SLC30A3: variants seen among roughly 807,000 people sequenced by gnomAD.
SLC30A3 encodes solute carrier family 30 member 3, also known as probable proton-coupled zinc antiporter SLC30A3.
Under a neutral mutation model 35.6 loss-of-function variants are expected in SLC30A3, and 20 were observed. The observed-to-expected ratio is 0.56, with a 90% CI of 0.39 to 0.82. The LOEUF (loss-of-function observed/expected upper bound fraction) is 0.82. SLC30A3 is among the 40% of genes least tolerant of loss of function. The probability of loss-of-function intolerance (pLI) is 0.00; values close to 1 mark genes in which losing one functional copy is unlikely to be tolerated. For missense variants in SLC30A3, 401 were observed against 530.6 expected (o/e 0.76, Z 2.40); for synonymous variants, 217 against 224.7 (o/e 0.97, Z 0.31).
At chr2:27,264,983 C>T (rs1234406652), upstream of SLC30A3, among the ~76,000 whole-genome samples, 1 of 152,196 alleles carries the variant, frequency 6.6e-6, no homozygotes, top group Non-Finnish European at 1.5e-5. This position sits in a 1 kb window ranked among gnomAD's most constrained non-coding sequence, Gnocchi z 6.1. Flanking sequence ...TGCGCAGCGG[C>T]CACCGCGCAC....
intron 7 of SLC30A3, 90 bp downstream of exon 7, chr2:27,256,296 C>T (rs1312106916): frequency 6.8e-7 from 1 of 1,474,980 alleles, no homozygotes; most frequent in Non-Finnish European, 9.4e-7. Context: ...TCAAAAAAGA[C>T]TGAAACAATT....
rs185099450 is a variant in SLC30A3 at position 27,255,638 on chromosome 2, C to T, written c.1019-178G>A. 186 of 654,280 alleles carry T rather than the reference C, an allele frequency of 2.8e-4. 3 individuals are homozygous for T. In the Admixed American group the frequency reaches 5.2e-3, roughly 18 times the overall value. The allele number at this position is 654,280 out of a possible 1,614,324, so 40.5% of individuals were successfully genotyped here. A position where few individuals can be genotyped will look rare whatever the true frequency, so the allele number is the denominator to read the frequency against. ...TGTCAAATCAAATGTTGGAGAGACT[C>T]ACCCCAATCAACCATGCTAACACAC... On this transcript the variant is annotated intron_variant, in intron 7 of 7. Coordinates refer to ENST00000233535, the MANE Select transcript of SLC30A3 (RefSeq NM_003459.5). The surrounding 1 kb of genome is among the most constrained non-coding windows in gnomAD (Gnocchi z 5.2).
chr2:27,264,002 C>G (rs1677364591), upstream of SLC30A3: 1 of 1,283,054 alleles, frequency 7.8e-7, no homozygotes, highest in Admixed American at 2.3e-5. The surrounding 1 kb of genome is among the most constrained non-coding windows in gnomAD (Gnocchi z 6.1). Flanking sequence ...GGGGAGGGAG[C>G]GACTTACAGC....
chr2:27,274,080 T>C (rs550369799), intron 1 of SLC30A3, among the ~76,000 whole-genome samples: 2 of 152,306 alleles, frequency 1.3e-5, no homozygotes, highest in South Asian at 2.1e-4. Context: ...CCCAGCACTT[T>C]TGGAGGCTGA....
In SLC30A3 at chr2:27,258,402, A is replaced by C. The variant is rs1417309384; in HGVS notation, c.278-95T>G. 7.7e-7 allele frequency: 1 copy of C among 1,303,346 alleles called. No individual in the cohort carries two copies. Among genetic ancestry groups the C allele is most frequent in the Non-Finnish European group, 1.0e-6 (1 of 973,832 alleles). The allele number at this position is 1,303,346 out of a possible 1,614,324, so 80.7% of individuals were successfully genotyped here. The stretch of plus-strand genomic sequence containing the variant: ...ATAAATTGGGGGATATACACCAAAA[A>C]TGTGATTTGGGGTTTTCTCAGGTGA... On this transcript the variant is annotated intron_variant, in intron 2 of 7. Coordinates refer to ENST00000233535, the MANE Select transcript of SLC30A3 (RefSeq NM_003459.5). The surrounding 1 kb of genome is among the most constrained non-coding windows in gnomAD (Gnocchi z 4.0).
upstream of SLC30A3, chr2:27,263,279 C>T: frequency 2.0e-6 from 1 of 493,810 alleles, no homozygotes; most frequent in South Asian, 1.6e-5. Flanking sequence ...CTAGCCCCAC[C>T]TCTGCACACA....
chr2:27,255,500 A>C lies in SLC30A3; in HGVS notation c.1019-40T>G. ...TAAGAGGCGGCATCCATCCCGGGGGAGAAAGAACAGGCAGGGACTGAGATA... is the reference window on the plus strand; with the variant it reads ...TAAGAGGCGGCATCCATCCCGGGGGCGAAAGAACAGGCAGGGACTGAGATA... On this transcript the variant is annotated intron_variant, in intron 7 of 7. Coordinates refer to ENST00000233535, the MANE Select transcript of SLC30A3 (RefSeq NM_003459.5). This position sits in a 1 kb window ranked among gnomAD's most constrained non-coding sequence, Gnocchi z 5.2. 4 of 1,602,470 alleles carry C rather than the reference A, an allele frequency of 2.5e-6. No individual in the cohort carries two copies. Among genetic ancestry groups the C allele is most frequent in the Non-Finnish European group, 3.4e-6 (4 of 1,175,176 alleles).
At chr2:27,264,488 GGA>G (rs1677395329), upstream of SLC30A3, among the ~76,000 whole-genome samples, 1 of 152,256 alleles carries the variant, frequency 6.6e-6, no homozygotes. The surrounding 1 kb of genome is among the most constrained non-coding windows in gnomAD (Gnocchi z 6.1). Context: ...TTCCGGCGGG[GGA>G]GAGTGTGGCT....
chr2:27,274,559 C>A (rs1476746699), intron 1 of SLC30A3, among the ~76,000 whole-genome samples: 1 of 152,064 alleles, frequency 6.6e-6, no homozygotes, highest in Admixed American at 6.5e-5. Context: ...CCTGTAGAAA[C>A]TCACAGGAAG....
chr2:27,256,795 G>C lies in SLC30A3; in HGVS notation c.876C>G (p.Leu292=). 6.2e-7 allele frequency: 1 copy of C among 1,601,446 alleles called. No individual in the cohort carries two copies. The highest frequency in any genetic ancestry group is 1.1e-5 in the South Asian group (1 of 89,806). The change falls in exon 6 of 8, where the codon CTC becomes CTG. Residue 292 remains leucine (L), a synonymous_variant. Coordinates refer to ENST00000233535, the MANE Select transcript of SLC30A3 (RefSeq NM_003459.5). ...APTLRDVLRI[L]MEGTPRNVGF... ...CTGTGGTGCCCGACTCACCTTCCAT[G>C]AGGATTCGAAGAACGTCTCGGAGGG...
chr2:27,275,286 C>T (rs1374857789), exon 1 of SLC30A3: 1 of 1,157,136 alleles, frequency 8.6e-7, no homozygotes, highest in East Asian at 5.8e-5. Context: ...GGAATCCCTG[C>T]CCCAAGGCCT....
At chr2:27,270,985 G>A (rs149761018) in intron 1 of SLC30A3, among the ~76,000 whole-genome samples, 2 of 152,202 alleles carry the variant, frequency 1.3e-5, no homozygotes, top group African/African-American at 2.4e-5. Context: ...GAACAGTCAC[G>A]GTGTAGATAC....
chr2:27,256,558 ACTCCTG>A (rs1676865926), intron 6 of SLC30A3, 38 bp from the exon 7 acceptor site: 1 of 1,610,332 alleles, frequency 6.2e-7, no homozygotes, highest in Non-Finnish European at 8.5e-7. Flanking sequence ...TGCTAGGGCT[ACTCCTG>A]CCCAGAAGCA....
Position 27,257,639 on chromosome 2 carries a change from G to A in SLC30A3, c.578+266C>T, listed in dbSNP as rs913687968. 1.7e-6 allele frequency: 1 copy of A among 597,836 alleles called. No individual in the cohort carries two copies. Among genetic ancestry groups the A allele is most frequent in the Admixed American group, 3.0e-5 (1 of 33,550 alleles). 37.0% of individuals were successfully genotyped at this position (597,836 alleles called of 1,614,324 possible). A position where few individuals can be genotyped will look rare whatever the true frequency, so the allele number is the denominator to read the frequency against. The stretch of plus-strand genomic sequence containing the variant: ...CTAGGGGTAATGCTACCTACCTCAT[G>A]GGGTGGCTGTGAGGTTTAAATGCAA... On this transcript the variant is annotated intron_variant, in intron 4 of 7. Transcript: ENST00000233535. The surrounding 1 kb of genome is among the most constrained non-coding windows in gnomAD (Gnocchi z 4.7).
chr2:27,258,862 G>T lies in SLC30A3; in HGVS notation c.168C>A (p.His56Gln). 1 of 1,614,142 alleles carries T rather than the reference G, an allele frequency of 6.2e-7. No individual in the cohort carries two copies. Among genetic ancestry groups the T allele is most frequent in the Middle Eastern group, 1.7e-4 (1 of 6,044 alleles). The change falls in exon 2 of 8, where the codon CAC becomes CAA. Residue 56 changes from histidine to glutamine, a missense_variant. By Grantham distance (24) the His-to-Gln change is conservative (BLOSUM62 0). Around this residue, in one of 3 missense-constraint regions of SLC30A3, gnomAD observed 103 missense variants for 120.7 expected, o/e 0.85. Transcript: ENST00000233535. The surrounding 1 kb of genome is among the most constrained non-coding windows in gnomAD (Gnocchi z 4.0). ...GGCCCGGCGGCGGAAGGGGGTCCCT[G>T]TGGCAGTGGTGGAAGGGCATCTCCA... ...KPVEMPFHHC[H>Q]RDPLPPPGLT...
chr2:27,255,590 G>A lies in SLC30A3; in HGVS notation c.1019-130C>T, dbSNP rs1349325519. 3.1e-6 allele frequency: 3 copies of A among 981,388 alleles called. No individual in the cohort carries two copies. The highest frequency in any genetic ancestry group is 4.6e-6 in the Non-Finnish European group (3 of 655,196). 60.8% of individuals were successfully genotyped at this position (981,388 alleles called of 1,614,324 possible). Reference sequence around the variant, plus strand: ...TGAATGGAAGCCTGCTTTTCTTTCTGTATTGTATGAACAGCATAAAAGTGT... The same window carrying A: ...TGAATGGAAGCCTGCTTTTCTTTCTATATTGTATGAACAGCATAAAAGTGT... On this transcript the variant is annotated intron_variant, in intron 7 of 7. Transcript: ENST00000233535. This position sits in a 1 kb window ranked among gnomAD's most constrained non-coding sequence, Gnocchi z 5.2.
rs989489893 is a variant in SLC30A3, at chr2:27,262,781, C to T, written c.95+31G>A. 4 of 1,504,910 alleles carry T rather than the reference C, an allele frequency of 2.7e-6. No homozygotes were observed. The highest frequency in any genetic ancestry group is 2.9e-5 in the African/African-American group (2 of 68,166). The allele number at this position is 1,504,910 out of a possible 1,614,324, so 93.2% of individuals were successfully genotyped here. ...ACGGAGGGTAGTAGGGTGGCGCCCC[C>T]GGGCCGAGGGCCAGCCCAGGTCTGT... On this transcript the variant is annotated intron_variant, in intron 1 of 7. Transcript: ENST00000233535. This position sits in a 1 kb window ranked among gnomAD's most constrained non-coding sequence, Gnocchi z 7.5.
rs1406529925 is a variant in SLC30A3, at chr2:27,256,832, G to A, written c.839C>T (p.Ser280Phe). ...AACGTCTCGGAGGGTGGGAGCGGTG[G>A]ATCCAAGGGCACAGATGGAGAAGAG... is the stretch of plus-strand genomic sequence containing the variant. ...TFLFSICALG[S>F]TAPTLRDVLR... The change falls in exon 6 of 8, where the codon TCC (serine) becomes TTC (phenylalanine). Residue 280 changes from serine (S) to phenylalanine (F), a missense_variant. Ser to Phe is a radical substitution (Grantham distance 155). Transcript: ENST00000233535. 1 of 1,606,102 alleles carries A rather than the reference G, an allele frequency of 6.2e-7. No homozygotes were observed. Among genetic ancestry groups the A allele is most frequent in the Admixed American group, 1.8e-5 (1 of 56,530 alleles).
At position 27,257,651 on chromosome 2, in the gene SLC30A3, A is replaced by T. The variant is rs1043417552; in HGVS notation, c.578+254T>A. The T allele has an allele frequency of 2.3e-4, 136 of 598,234 alleles. 1 individual carries two copies. The highest frequency in any genetic ancestry group is 3.8e-4 in the Non-Finnish European group (127 of 337,364). The allele number at this position is 598,234 out of a possible 1,614,324, so 37.1% of individuals were successfully genotyped here. On this transcript the variant is annotated intron_variant, in intron 4 of 7. Coordinates refer to ENST00000233535, the MANE Select transcript of SLC30A3 (RefSeq NM_003459.5). This position sits in a 1 kb window ranked among gnomAD's most constrained non-coding sequence, Gnocchi z 4.7. ...CTACCTACCTCATGGGGTGGCTGTGAGGTTTAAATGCAATCATGTTGATGA... is the reference window on the plus strand; with the variant it reads ...CTACCTACCTCATGGGGTGGCTGTGTGGTTTAAATGCAATCATGTTGATGA...
Sources: allele counts gnomAD v4.1 joint callset (sites outside exome capture counted in the v4.1 genomes callset), GRCh38; gene constraint gnomAD v4.1.1; regional missense constraint gnomAD v4.1.1; non-coding constraint Gnocchi (gnomAD v3.1); transcripts MANE v1.5; gene names NCBI Gene and HGNC (gene_info 2026-07-23, HGNC 2026-07-21).